The following NHSL1 variants were observed in gnomAD, a reference collection of about 807,000 sequenced individuals.
NHSL1 encodes NHS like 1, also known as NHS-like protein 1.
NHSL1 carries 48 observed loss-of-function variants against 95.0 expected under a neutral mutation model. The ratio of observed to expected loss-of-function variants is 0.51; its 90% confidence interval spans 0.40 to 0.64. The LOEUF is 0.64. Ranked by LOEUF, NHSL1 falls within the 30% of genes least tolerant of loss-of-function variation. The pLI is 0.00. For synonymous variants in NHSL1, 783 were observed against 833.9 expected (o/e 0.94, Z 1.05); for missense variants, 1,971 against 2,077.7 (o/e 0.95, Z 1.00).
At chr6:138,650,566 G>A (rs1381951086) in intron 1 of NHSL1, 10 of 593,168 alleles carry the variant, frequency 1.7e-5, no homozygotes, top group African/African-American at 1.7e-4. Context: ...AGGAGGTGAG[G>A]GATTAATCCA....
intron 1 of NHSL1, among the ~76,000 whole-genome samples, chr6:138,652,156 G>T (rs1229365312): frequency 6.6e-6 from 1 of 152,086 alleles, no homozygotes; most frequent in Non-Finnish European, 1.5e-5. Flanking sequence ...ATTAAGGTAT[G>T]GCTGGCCAGG....
At chr6:138,615,411 G>A (rs1013880993) in intron 1 of NHSL1, among the ~76,000 whole-genome samples, 1 of 152,234 alleles carries the variant, frequency 6.6e-6, no homozygotes, top group Non-Finnish European at 1.5e-5. Flanking sequence ...TATGAATGGA[G>A]ACACCAGTTT....
chr6:138,610,872 G>A (rs944561633), intron 1 of NHSL1, among the ~76,000 whole-genome samples: 2 of 152,108 alleles, frequency 1.3e-5, no homozygotes, highest in Non-Finnish European at 2.9e-5. Context: ...GAGGTCGGGA[G>A]TTCAAGACCA....
intron 1 of NHSL1, among the ~76,000 whole-genome samples, chr6:138,585,157 G>A (rs1005538909): frequency 6.6e-6 from 1 of 152,186 alleles, no homozygotes; most frequent in African/African-American, 2.4e-5. Flanking sequence ...TGTGGCTGGT[G>A]GACCAGCACA....
chr6:138,505,437 C>T (rs763419261), intron 1 of NHSL1, among the ~76,000 whole-genome samples: 28 of 151,940 alleles, frequency 1.8e-4, no homozygotes, highest in Non-Finnish European at 3.2e-4. Flanking sequence ...AGGCGGATCA[C>T]GAGGTCAGGA....
intron 1 of NHSL1, among the ~76,000 whole-genome samples, chr6:138,619,951 A>G (rs1784632380): frequency 6.7e-6 from 1 of 150,222 alleles, no homozygotes; most frequent in East Asian, 1.9e-4. Context: ...CTATCACAAA[A>G]AAAAAAAAAA....
At chr6:138,561,952 G>A (rs991090414) in intron 1 of NHSL1, among the ~76,000 whole-genome samples, 2 of 152,194 alleles carry the variant, frequency 1.3e-5, no homozygotes, top group African/African-American at 4.8e-5. Flanking sequence ...TAATGTCTAT[G>A]ATATCTACTA....
chr6:138,458,007 GAAAAAAA>G (rs554103437), intron 3 of NHSL1, among the ~76,000 whole-genome samples: 1 of 96,754 alleles, frequency 1.0e-5, no homozygotes, highest in Non-Finnish European at 2.2e-5. Context: ...AACTCCAACT[GAAAAAAA>G]AAAAAAAAAA....
chr6:138,667,872 C>T (rs1381296590), intron 1 of NHSL1, among the ~76,000 whole-genome samples: 7 of 152,148 alleles, frequency 4.6e-5, no homozygotes, highest in African/African-American at 1.2e-4. Context: ...CAACTGCTAA[C>T]GGTGATTATA....
intron 1 of NHSL1, among the ~76,000 whole-genome samples, chr6:138,552,129 A>G (rs1334113608): frequency 6.6e-6 from 1 of 152,042 alleles, no homozygotes; most frequent in Non-Finnish European, 1.5e-5. Context: ...TTAAAAATAT[A>G]CCCTCCTGGG....
intron 1 of NHSL1, among the ~76,000 whole-genome samples, chr6:138,661,665 T>TA (rs1204471376): frequency 0.04 from 5,163 of 128,964 alleles, 267 homozygotes; most frequent in African/African-American, 0.13. Context: ...TTGTCTCAAA[T>TA]AAAAAAAAAA....
intron 1 of NHSL1, among the ~76,000 whole-genome samples, chr6:138,537,329 T>C (rs1294801319): frequency 6.6e-6 from 1 of 152,244 alleles, no homozygotes; most frequent in East Asian, 1.9e-4. Flanking sequence ...TGCCAATATA[T>C]GTGACTTGTA....
chr6:138,635,950 T>C (rs920619020), intron 1 of NHSL1, among the ~76,000 whole-genome samples: 3 of 94,386 alleles, frequency 3.2e-5, no homozygotes, highest in Non-Finnish European at 6.3e-5. Context: ...CCGTCTCTAC[T>C]AAAAAAAAAA....
intron 1 of NHSL1, among the ~76,000 whole-genome samples, chr6:138,602,165 T>C (rs528418557): frequency 6.6e-6 from 1 of 152,348 alleles, no homozygotes; most frequent in African/African-American, 2.4e-5. Context: ...TGCAGGAGAA[T>C]TGATATCTTT....
chr6:138,503,413 C>T (rs551456714), upstream of NHSL1, among the ~76,000 whole-genome samples: 83 of 152,246 alleles, frequency 5.5e-4, no homozygotes, highest in African/African-American at 1.8e-3. Flanking sequence ...GACCCTCTGG[C>T]CAAATCCGGC....
chr6:138,531,018 T>C (rs1482879610), intron 1 of NHSL1, among the ~76,000 whole-genome samples: 1 of 152,190 alleles, frequency 6.6e-6, no homozygotes, highest in East Asian at 1.9e-4. Context: ...CCTCTCTTTT[T>C]CCATGTGAAA....
chr6:138,601,185 A>G (rs1784365112), intron 1 of NHSL1, among the ~76,000 whole-genome samples: 1 of 152,220 alleles, frequency 6.6e-6, no homozygotes, highest in African/African-American at 2.4e-5. Context: ...ACTCACCAGG[A>G]TTGTTGGGAA....
chr6:138,499,134 GACAC>G (rs55946895), intron 1 of NHSL1, 95 bp downstream of exon 1: 45,164 of 627,278 alleles, frequency 0.072, 2,931 homozygotes, highest in African/African-American at 0.31. Context: ...CACACACATG[GACAC>G]ACACACACAC....
chr6:138,627,753 C>A (rs1011622011), intron 1 of NHSL1, among the ~76,000 whole-genome samples: 6 of 151,836 alleles, frequency 4.0e-5, no homozygotes, highest in Admixed American at 3.9e-4. Context: ...TGGTGGCGGG[C>A]GCCTGTAATC....
Sources: gnomAD v4.1 joint callset for allele counts (sites outside exome capture counted in the v4.1 genomes callset) on GRCh38, gnomAD v4.1.1 for gene constraint, MANE v1.5 for transcripts, NCBI Gene and HGNC (gene_info 2026-07-23, HGNC 2026-07-21) for gene names.